Variants in IPO8 observed in about 807,000 individuals in gnomAD.
IPO8 encodes the protein importin 8.
A neutral mutation model predicts 141.2 loss-of-function variants in IPO8; 65 were observed. The observed-to-expected ratio is 0.46, with a 90% CI of 0.38 to 0.57. The LOEUF (loss-of-function observed/expected upper bound fraction) is 0.57, where lower values mean the gene tolerates loss of function less well. Ranked by LOEUF, IPO8 falls within the 20% of genes least tolerant of loss-of-function variation. IPO8 has a pLI of 0.00. For missense variants in IPO8, 980 were observed against 1,246.8 expected (o/e 0.79, Z 3.22); for synonymous variants, 411 against 420.3 (o/e 0.98, Z 0.27).
rs576040074 is a variant in IPO8, at chr12:30,629,073, G to A, written c.*1787C>T. The A allele has an allele frequency of 7.2e-5, 11 of 152,182 alleles. No individual in the cohort carries two copies. Among genetic ancestry groups the A allele is most frequent in the Non-Finnish European group, 1.5e-4 (10 of 68,036 alleles). 9.4% of individuals were successfully genotyped at this position (152,182 alleles called of 1,614,324 possible). A position where few individuals can be genotyped will look rare whatever the true frequency, so the allele number is the denominator to read the frequency against. On this transcript the variant is annotated 3_prime_UTR_variant, in exon 25 of 25. Transcript: ENST00000256079. ...AGGTAACCAGGTCACATTCAGGTTA[G>A]CACTGCTGGTAACAAAATCATACAA...
chr12:30,676,698 A>G, intron 5 of IPO8, 111 bp from the exon 6 acceptor site: 2 of 831,734 alleles, frequency 2.4e-6, no homozygotes, highest in South Asian at 2.9e-5. Flanking sequence ...TTTGAGAATG[A>G]AAATAGCAAT....
chr12:30,631,052 G>C, intron 24 of IPO8, 95 bp from the exon 25 acceptor site: 3 of 782,502 alleles, frequency 3.8e-6, no homozygotes, highest in Non-Finnish European at 6.2e-6. Context: ...TTCTTTATAT[G>C]CTTAGAACTG....
intron 20 of IPO8, among the ~76,000 whole-genome samples, chr12:30,641,879 T>C (rs1470621677): frequency 6.6e-6 from 1 of 152,044 alleles, no homozygotes; most frequent in East Asian, 1.9e-4. Context: ...ATAAAGAATG[T>C]AGTCATGAAT....
intron 8 of IPO8, among the ~76,000 whole-genome samples, chr12:30,671,767 T>C (rs1288455230): frequency 6.7e-6 from 1 of 150,330 alleles, no homozygotes; most frequent in African/African-American, 2.4e-5. Context: ...AGCACAAAGA[T>C]GTTTCTTTAT....
chr12:30,658,897 T>C (rs1263516009), intron 16 of IPO8, among the ~76,000 whole-genome samples: 3 of 120,494 alleles, frequency 2.5e-5, no homozygotes, highest in African/African-American at 7.6e-5. Context: ...TTTTTTTTTT[T>C]GGAGACAGAG....
chr12:30,674,735 C>G lies in IPO8; in HGVS notation c.748G>C (p.Glu250Gln). The G allele has an allele frequency of 6.2e-7, 1 of 1,612,920 alleles. No individual in the cohort carries two copies. The highest frequency in any genetic ancestry group is 8.5e-7 in the Non-Finnish European group (1 of 1,178,994). Residue 250 changes from glutamate to glutamine, a missense_variant, in exon 7 of 25, where the codon GAG becomes CAG. Physicochemically the swap from Glu to Gln is conservative, Grantham distance 29. This residue lies in a region of IPO8 where 924 missense variants were observed against 1,153.9 expected (regional missense o/e 0.80). Transcript: ENST00000256079. ...TVPPETLHID[E>Q]DDRPELVWWK... Reference sequence around the variant, plus strand: ...CATACCAGTTCTGGTCTATCATCCTCATCAATGTGCAGAGTCTCCTAACAG... The same window carrying G: ...CATACCAGTTCTGGTCTATCATCCTGATCAATGTGCAGAGTCTCCTAACAG...
At chr12:30,654,783 C>T (rs888822438) in intron 17 of IPO8, among the ~76,000 whole-genome samples, 1 of 151,880 alleles carries the variant, frequency 6.6e-6, no homozygotes, top group East Asian at 1.9e-4. Context: ...CTGTGGAAAG[C>T]AGTATGAAGG....
chr12:30,671,677 A>T (rs2165026), intron 8 of IPO8, among the ~76,000 whole-genome samples: 1 of 97,332 alleles, frequency 1.0e-5, no homozygotes, highest in African/African-American at 3.8e-5. Flanking sequence ...TCTGCCTCAA[A>T]AAAAAAAAAA....
Position 30,688,459 on chromosome 12 carries a change from C to CT in IPO8, c.166+2036dup, listed in dbSNP as rs199577032. On this transcript the variant is annotated intron_variant, in intron 2 of 24. Transcript: ENST00000256079. ...GTATTTCCACTTAACATTAGCATAA[C>CT]TTTTTTTTTACAGCTTTATACAGGC... 1,152 of 423,206 alleles carry CT rather than the reference C, an allele frequency of 2.7e-3. 12 individuals are homozygous for CT. The highest frequency in any genetic ancestry group is 9.1e-3 in the African/African-American group (437 of 47,818). The allele number at this position is 423,206 out of a possible 1,614,324, so 26.2% of individuals were successfully genotyped here.
rs990984621 is a variant in IPO8, at chr12:30,689,279, T to C, written c.166+1217A>G. Among the ~76,000 whole-genome samples, 6 of 152,152 alleles carry C rather than the reference T, an allele frequency of 3.9e-5. No individual in the cohort carries two copies. The South Asian group carries it at 8.3e-4, about 21-fold the overall frequency. ...TGTAAAAACTTGTTTTAAGATCTTTTAAAATGTTATTTCTTAAATGCTTCA... is the reference window on the plus strand; with the variant it reads ...TGTAAAAACTTGTTTTAAGATCTTTCAAAATGTTATTTCTTAAATGCTTCA... On this transcript the variant is annotated intron_variant, in intron 2 of 24. Transcript: ENST00000256079.
chr12:30,656,736 T>C lies in IPO8; in HGVS notation c.1896A>G (p.Leu632=). Residue 632 remains leucine (L), a synonymous_variant, in exon 17 of 25, where the codon TTA becomes TTG. Transcript: ENST00000256079. ...VEDHKEITQQ[L]ENICLRIIDL... is the part of the protein sequence containing the mutation. Reference sequence around the variant, plus strand: ...CAATGATCCGTAGACAGATATTCTCTAACTGCTGGGTAATCTAAAGATAAA... The same window carrying C: ...CAATGATCCGTAGACAGATATTCTCCAACTGCTGGGTAATCTAAAGATAAA... The C allele has an allele frequency of 6.6e-7, 1 of 1,520,904 alleles. No individual in the cohort carries two copies. The highest frequency in any genetic ancestry group is 9.0e-7 in the Non-Finnish European group (1 of 1,113,636). The allele number at this position is 1,520,904 out of a possible 1,614,324, so 94.2% of individuals were successfully genotyped here.
At chr12:30,656,794 AATAC>A (rs2052807225) in intron 16 of IPO8, 44 bp from the exon 17 acceptor site, 1 of 919,066 alleles carries the variant, frequency 1.1e-6, no homozygotes, top group Admixed American at 2.6e-5. Flanking sequence ...TATCATAATT[AATAC>A]ATAAATTTAA....
rs566876448 is a variant in IPO8, at chr12:30,637,539, T to C, written c.2490-352A>G. Among the ~76,000 whole-genome samples, 14 of 152,294 alleles carry C rather than the reference T, an allele frequency of 9.2e-5. No individual in the cohort carries two copies. The South Asian group carries it at 2.9e-3, about 32-fold the overall frequency. On this transcript the variant is annotated intron_variant, in intron 21 of 24. Transcript: ENST00000256079. ...AGTCCTATACAATGGTTGGGGGGAA[T>C]GAAGAGTTTCTTAGACTCTTCCAAC... is the stretch of plus-strand genomic sequence containing the variant.
chr12:30,658,868 T>A (rs937799368), intron 16 of IPO8, among the ~76,000 whole-genome samples: 13 of 144,214 alleles, frequency 9.0e-5, no homozygotes, highest in Admixed American at 6.2e-4. Flanking sequence ...TCCAGAAGAG[T>A]ATCAAGCCTT....
At chr12:30,654,759 A>G (rs2052775961) in intron 17 of IPO8, among the ~76,000 whole-genome samples, 1 of 152,116 alleles carries the variant, frequency 6.6e-6, no homozygotes, top group Non-Finnish European at 1.5e-5. Flanking sequence ...TTGGTGAGAG[A>G]GTAAAAACAG....
In IPO8 at chr12:30,656,507, T is replaced by A. The variant is rs192099215; in HGVS notation, c.1948+177A>T. Among the ~76,000 whole-genome samples, 91 of 152,324 alleles carry A rather than the reference T, an allele frequency of 6.0e-4. 2 individuals are homozygous for A. The highest frequency in any genetic ancestry group is 2.1e-3 in the African/African-American group (86 of 41,582). On this transcript the variant is annotated intron_variant, in intron 17 of 24. Transcript: ENST00000256079. ...TATTCGTTGGATGTATAATTTTTTA[T>A]CTCTGAATGAAAATACAGATATTTA...
At chr12:30,673,725 C>T (rs898453465) in intron 8 of IPO8, among the ~76,000 whole-genome samples, 2 of 152,184 alleles carry the variant, frequency 1.3e-5, no homozygotes, top group African/African-American at 2.4e-5. Context: ...GTGACTGCTA[C>T]ACCACTATCA....
At chr12:30,668,002 A>T (rs1368850263) in intron 10 of IPO8, among the ~76,000 whole-genome samples, 1 of 152,094 alleles carries the variant, frequency 6.6e-6, no homozygotes, top group African/African-American at 2.4e-5. Context: ...GTGGTGGCAC[A>T]TGCCTGTGGC....
chr12:30,649,487 A>G (rs2052695566), intron 19 of IPO8, among the ~76,000 whole-genome samples: 1 of 152,110 alleles, frequency 6.6e-6, no homozygotes, highest in Non-Finnish European at 1.5e-5. Flanking sequence ...TTTCCACATA[A>G]ATGAAGCTTC....
Sources: allele counts gnomAD v4.1 joint callset (sites outside exome capture counted in the v4.1 genomes callset), GRCh38; gene constraint gnomAD v4.1.1; regional missense constraint gnomAD v4.1.1; transcripts MANE v1.5; gene names NCBI Gene and HGNC (gene_info 2026-07-23, HGNC 2026-07-21).